AGBL1: variants seen among roughly 807,000 people sequenced by gnomAD.
The protein encoded by AGBL1 is AGBL carboxypeptidase 1, also known as cytosolic carboxypeptidase 4.
In AGBL1, 130 loss-of-function variants were observed where a neutral mutation model predicts 118.9. That is an observed-to-expected ratio of 1.09 (90% CI 0.95 to 1.26). The LOEUF (loss-of-function observed/expected upper bound fraction) is 1.26. Ranked by LOEUF, AGBL1 falls within the 50% of genes most tolerant of loss-of-function variation. The pLI, the probability that AGBL1 is intolerant of heterozygous loss-of-function variation, is 0.00. For synonymous variants in AGBL1, 555 were observed against 478.9 expected, an observed-to-expected ratio of 1.16 and a Z score of -2.08; for missense variants, 1,584 against 1,298.1, an observed-to-expected ratio of 1.22 and a Z score of -3.38.
chr15:86,145,479 T>C (rs1475961647), intron 3 of AGBL1, among the ~76,000 whole-genome samples: 1 of 152,186 alleles, frequency 6.6e-6, no homozygotes, highest in Non-Finnish European at 1.5e-5. Context: ...GTGCTGAGTC[T>C]TATATAGGTC....
At chr15:86,515,498 TA>T (rs573319644) in intron 18 of AGBL1, among the ~76,000 whole-genome samples, 10 of 152,174 alleles carry the variant, frequency 6.6e-5, no homozygotes, top group Non-Finnish European at 1.3e-4. Flanking sequence ...ATTATAAAAA[TA>T]ATAATTAGTT....
At chr15:86,379,386 C>T (rs1000215725) in intron 17 of AGBL1, among the ~76,000 whole-genome samples, 2 of 151,992 alleles carry the variant, frequency 1.3e-5, no homozygotes, top group Non-Finnish European at 2.9e-5. Flanking sequence ...TTATGTTTTA[C>T]AGAAAACTTT....
At chr15:86,451,917 C>T (rs2082198214) in intron 18 of AGBL1, among the ~76,000 whole-genome samples, 1 of 152,072 alleles carries the variant, frequency 6.6e-6, no homozygotes, top group Non-Finnish European at 1.5e-5. Context: ...AACTCTTCTG[C>T]CTGGCATTCA....
intron 21 of AGBL1, among the ~76,000 whole-genome samples, chr15:86,673,416 A>C (rs559169622): frequency 1.3e-5 from 2 of 152,288 alleles, no homozygotes; most frequent in African/African-American, 4.8e-5. Flanking sequence ...GCTCACCACA[A>C]TGGAGTCTCT....
At chr15:86,444,856 A>G (rs2082103363) in intron 18 of AGBL1, among the ~76,000 whole-genome samples, 1 of 152,186 alleles carries the variant, frequency 6.6e-6, no homozygotes, top group South Asian at 2.1e-4. Context: ...AGGGGAGAAA[A>G]TTTAATTGAA....
chr15:86,892,900 T>C (rs75841456), intron 22 of AGBL1, among the ~76,000 whole-genome samples: 2,899 of 152,272 alleles, frequency 0.019, 87 homozygotes, highest in African/African-American at 0.064. Flanking sequence ...GAGACATTCA[T>C]GGTGAGCATA....
intron 18 of AGBL1, among the ~76,000 whole-genome samples, chr15:86,503,180 T>G (rs2082936387): frequency 1.3e-5 from 2 of 151,514 alleles, no homozygotes; most frequent in Non-Finnish European, 3.0e-5. Context: ...GTATGGTAAA[T>G]TGTGTCTTTC....
intron 7 of AGBL1, among the ~76,000 whole-genome samples, chr15:86,248,767 T>C (rs765811540): frequency 7.2e-5 from 11 of 152,110 alleles, no homozygotes; most frequent in Non-Finnish European, 1.3e-4. Flanking sequence ...AAGCAAAGAA[T>C]CCAATGAGGA....
chr15:86,499,831 T>A (rs1475170216), intron 18 of AGBL1, among the ~76,000 whole-genome samples: 1 of 151,842 alleles, frequency 6.6e-6, no homozygotes, highest in African/African-American at 2.4e-5. Flanking sequence ...GTAGACACAG[T>A]TTCAAGTGAG....
intron 17 of AGBL1, among the ~76,000 whole-genome samples, chr15:86,330,997 A>C (rs946828318): frequency 1.3e-5 from 2 of 152,118 alleles, no homozygotes; most frequent in Non-Finnish European, 2.9e-5. Flanking sequence ...AGGCCAAGGC[A>C]GGTGGATCAT....
intron 22 of AGBL1, among the ~76,000 whole-genome samples, chr15:86,746,369 T>A (rs2077757326): frequency 2.0e-5 from 3 of 152,122 alleles, no homozygotes; most frequent in African/African-American, 7.2e-5. Context: ...CCTAAATCTT[T>A]GTATGTCTGG....
chr15:86,394,591 C>T (rs773770062), intron 17 of AGBL1, among the ~76,000 whole-genome samples: 26 of 152,074 alleles, frequency 1.7e-4, no homozygotes, highest in East Asian at 3.9e-4. Context: ...CCAGAAGTAA[C>T]GAAGAAGCTG....
At chr15:86,880,017 GGC>G (rs1335263262) in intron 22 of AGBL1, among the ~76,000 whole-genome samples, 4 of 152,178 alleles carry the variant, frequency 2.6e-5, no homozygotes, top group African/African-American at 9.6e-5. Context: ...TGTTAACCTT[GGC>G]CTGAGACTAG....
At chr15:86,827,399 A>G (rs1281227518) in intron 22 of AGBL1, among the ~76,000 whole-genome samples, 13 of 8,436 alleles carry the variant, frequency 1.5e-3, no homozygotes, top group African/African-American at 0.013. Flanking sequence ...ATATATATAC[A>G]TATATATATG....
chr15:86,262,574 T>G, intron 9 of AGBL1: 1 of 635,074 alleles, frequency 1.6e-6, no homozygotes, highest in East Asian at 3.0e-5. Flanking sequence ...ACATAAATGC[T>G]GAGACAAGTC....
chr15:86,976,644 A>T (rs1431149946), intron 23 of AGBL1, among the ~76,000 whole-genome samples: 1 of 152,036 alleles, frequency 6.6e-6, no homozygotes, highest in Non-Finnish European at 1.5e-5. Context: ...GCTCTCTTAC[A>T]CTAGTGAGAT....
At chr15:86,394,892 A>T (rs539892364) in intron 17 of AGBL1, among the ~76,000 whole-genome samples, 1 of 152,266 alleles carries the variant, frequency 6.6e-6, no homozygotes, top group South Asian at 2.1e-4. Flanking sequence ...GGCCACTCCT[A>T]CCTACAAAAG....
chr15:86,738,603 A>T (rs2077634793), intron 22 of AGBL1, among the ~76,000 whole-genome samples: 1 of 152,196 alleles, frequency 6.6e-6, no homozygotes, highest in Admixed American at 6.5e-5. Context: ...TTCATCCGTT[A>T]CGCATTATTG....
chr15:86,338,129 G>T (rs972979733), intron 17 of AGBL1, among the ~76,000 whole-genome samples: 1 of 152,178 alleles, frequency 6.6e-6, no homozygotes. Context: ...GGGACATGGG[G>T]ACATGGGCTC....
Sources: gnomAD v4.1 joint callset for allele counts (sites outside exome capture counted in the v4.1 genomes callset) on GRCh38, gnomAD v4.1.1 for gene constraint, MANE v1.5 for transcripts, NCBI Gene and HGNC (gene_info 2026-07-23, HGNC 2026-07-21) for gene names.